Variants in SORCS3 observed in about 807,000 individuals in gnomAD.
SORCS3 encodes the protein VPS10 domain-containing receptor SorCS3.
A neutral mutation model predicts 146.3 loss-of-function variants in SORCS3; 57 were observed. The ratio of observed to expected loss-of-function variants is 0.39; its 90% CI spans 0.31 to 0.49. The LOEUF is 0.49. Ranked by LOEUF, SORCS3 falls within the 20% of genes least tolerant of loss-of-function variation. The probability of loss-of-function intolerance (pLI) is 0.92; values close to 1 mark genes in which losing one functional copy is unlikely to be tolerated. For synonymous variants in SORCS3, 653 were observed against 618.5 expected, an observed-to-expected ratio of 1.06 and a Z score of -0.83; for missense variants, 1,341 against 1,575.5, an observed-to-expected ratio of 0.85 and a Z score of 2.52.
intron 5 of SORCS3, among the ~76,000 whole-genome samples, chr10:105,081,971 T>C (rs2055629107): frequency 6.6e-6 from 1 of 152,046 alleles, no homozygotes; most frequent in African/African-American, 2.4e-5. Flanking sequence ...GCAAACACCA[T>C]GCTTATGAAG....
intron 26 of SORCS3, 96 bp downstream of exon 26, chr10:105,262,587 G>A: frequency 7.7e-7 from 1 of 1,291,182 alleles, no homozygotes; most frequent in Non-Finnish European, 1.0e-6. Context: ...CTGGAGGGTG[G>A]GGACAAACAA....
intron 3 of SORCS3, among the ~76,000 whole-genome samples, chr10:104,950,335 T>C (rs781512464): frequency 2.0e-5 from 3 of 152,222 alleles, no homozygotes; most frequent in African/African-American, 2.4e-5. Context: ...TGCTAGTTCC[T>C]GCAACATTAC....
chr10:104,969,231 T>C lies in SORCS3; in HGVS notation c.796-8104T>C, dbSNP rs532897707. Among the ~76,000 whole-genome samples the C allele has an allele frequency of 1.2e-4, 18 of 152,112 alleles. No individual in the cohort carries two copies. In the East Asian group the frequency reaches 2.5e-3, roughly 21 times the overall value. ...TTCCTACTCTCTTAATGCTTGATGC[T>C]CCTGTGGTCAGAAATTGAGATGAGT... On this transcript the variant is annotated intron_variant, in intron 3 of 26. Transcript: ENST00000369701.
At chr10:105,093,537 C>A (rs1218313761) in intron 6 of SORCS3, among the ~76,000 whole-genome samples, 1 of 151,936 alleles carries the variant, frequency 6.6e-6, no homozygotes, top group Non-Finnish European at 1.5e-5. Flanking sequence ...ATAAAGAATG[C>A]TTAAAACATA....
At chr10:105,085,329 T>A (rs948142558) in intron 5 of SORCS3, among the ~76,000 whole-genome samples, 6 of 152,200 alleles carry the variant, frequency 3.9e-5, no homozygotes, top group African/African-American at 1.2e-4. Flanking sequence ...AGGCCACAGC[T>A]CAGATTGTGG....
intron 1 of SORCS3, among the ~76,000 whole-genome samples, chr10:104,832,591 GCTCGTAATTC>G (rs1454603233): frequency 1.3e-5 from 2 of 152,158 alleles, no homozygotes; most frequent in South Asian, 2.1e-4. Context: ...GGTGACACGT[GCTCGTAATTC>G]CAGCTACTCA....
At chr10:105,096,556 G>C (rs574469660) in intron 6 of SORCS3, among the ~76,000 whole-genome samples, 35 of 152,320 alleles carry the variant, frequency 2.3e-4, no homozygotes, top group Non-Finnish European at 4.9e-4. Flanking sequence ...AGATTCTGCT[G>C]TAAGTATCAT....
chr10:104,962,148 A>C (rs930092885), intron 3 of SORCS3, among the ~76,000 whole-genome samples: 1 of 152,146 alleles, frequency 6.6e-6, no homozygotes, highest in Admixed American at 6.6e-5. Flanking sequence ...AGGAGGCTTC[A>C]TGGAAGGGAT....
intron 4 of SORCS3, among the ~76,000 whole-genome samples, chr10:104,989,578 G>A (rs559520594): frequency 6.6e-6 from 1 of 152,146 alleles, no homozygotes; most frequent in Non-Finnish European, 1.5e-5. Flanking sequence ...GCTATCCTGT[G>A]TATTTTCATC....
intron 7 of SORCS3, among the ~76,000 whole-genome samples, chr10:105,127,249 A>T (rs2055982629): frequency 6.6e-6 from 1 of 152,062 alleles, no homozygotes; most frequent in East Asian, 1.9e-4. Context: ...CTGATTTTCG[A>T]AGGCATGGTG....
At chr10:105,135,676 T>C (rs138568543) in intron 7 of SORCS3, among the ~76,000 whole-genome samples, 186 of 152,340 alleles carry the variant, frequency 1.2e-3, no homozygotes, top group African/African-American at 4.2e-3. Flanking sequence ...CACATTTGCA[T>C]TGATAGTTCT....
chr10:104,695,025 C>T (rs76403109), intron 1 of SORCS3, among the ~76,000 whole-genome samples: 174 of 152,150 alleles, frequency 1.1e-3, no homozygotes, highest in African/African-American at 4.0e-3. Flanking sequence ...TAAATTTCAG[C>T]GAAAATAGGA....
chr10:104,994,128 A>G (rs1437249779), intron 4 of SORCS3, among the ~76,000 whole-genome samples: 1 of 152,232 alleles, frequency 6.6e-6, no homozygotes, highest in Non-Finnish European at 1.5e-5. Context: ...CTTATTGAGC[A>G]CTTACCATGT....
Position 105,245,706 on chromosome 10 carries a change from A to G in SORCS3, c.2992+41A>G, listed in dbSNP as rs1205071690. 4 of 1,604,206 alleles carry G rather than the reference A, an allele frequency of 2.5e-6. No homozygotes were observed. The East Asian group carries it at 9.0e-5, about 36-fold the overall frequency. The stretch of plus-strand genomic sequence containing the variant: ...TGTTCTGTGATGCTCCTTCCCGCTC[A>G]GTTAATCTCCTGTGTCCACTCTCCC... On this transcript the variant is annotated intron_variant, in intron 21 of 26. Coordinates refer to ENST00000369701, the MANE Select transcript of SORCS3 (RefSeq NM_014978.3).
At chr10:104,644,193 A>T (rs1259922684) in intron 1 of SORCS3, among the ~76,000 whole-genome samples, 1 of 152,158 alleles carries the variant, frequency 6.6e-6, no homozygotes, top group Non-Finnish European at 1.5e-5. Flanking sequence ...GCCCACAGGG[A>T]CTTATTGGTT....
rs114938995 is a variant in SORCS3, at chr10:104,669,702, T to C, written c.627+27748T>C. ...GGAATAATGTTGCTATGAACATGGG[T>C]ATATGGTATACCAGTATCTCTTTGA... On this transcript the variant is annotated intron_variant, in intron 1 of 26. Coordinates refer to ENST00000369701, the MANE Select transcript of SORCS3 (RefSeq NM_014978.3). 2.2e-3 allele frequency among the ~76,000 whole-genome samples: 328 copies of C among 152,324 alleles called. 2 individuals carry two copies. The highest frequency in any genetic ancestry group is 7.4e-3 in the African/African-American group (306 of 41,578).
intron 1 of SORCS3, among the ~76,000 whole-genome samples, chr10:104,797,613 A>G (rs973118992): frequency 1.3e-5 from 2 of 152,104 alleles, no homozygotes; most frequent in Non-Finnish European, 2.9e-5. Flanking sequence ...TAATCTTTAG[A>G]GCAATGTCTA....
At chr10:104,893,828 T>G (rs751912529) in intron 2 of SORCS3, among the ~76,000 whole-genome samples, 9 of 152,192 alleles carry the variant, frequency 5.9e-5, no homozygotes, top group Non-Finnish European at 1.2e-4. Flanking sequence ...GTCAGCTTTC[T>G]GCTCTTCCGA....
intron 5 of SORCS3, among the ~76,000 whole-genome samples, chr10:105,063,435 T>C (rs61867221): frequency 0.17 from 25,908 of 152,254 alleles, 2,385 homozygotes; most frequent in Middle Eastern, 0.22. Flanking sequence ...GTTGTGCTGA[T>C]GTTACTAATA....
Sources: gnomAD v4.1 joint callset for allele counts (sites outside exome capture counted in the v4.1 genomes callset) on GRCh38, gnomAD v4.1.1 for gene constraint, MANE v1.5 for transcripts, NCBI Gene and HGNC (gene_info 2026-07-23, HGNC 2026-07-21) for gene names.